GLIS3: variants seen among roughly 807,000 people sequenced by gnomAD.
The protein encoded by GLIS3 is GLIS family zinc finger 3.
A neutral mutation model predicts 78.6 loss-of-function variants in GLIS3; 53 were observed. That is an observed-to-expected ratio of 0.67 (90% confidence interval 0.54 to 0.85). GLIS3 has a LOEUF of 0.85. Among genes scored for constraint, GLIS3 ranks in the 40% least tolerant of loss-of-function variants. The pLI is 0.00. For missense variants in GLIS3, 1,703 were observed against 1,231.1 expected (o/e 1.38, Z -5.74); for synonymous variants, 684 against 509.9 (o/e 1.34, Z -4.60).
chr9:3,836,231 C>T (rs117338626), intron 9 of GLIS3, among the ~76,000 whole-genome samples: 1,864 of 152,304 alleles, frequency 0.012, 16 homozygotes, highest in Non-Finnish European at 0.018. Flanking sequence ...CAGATATCAG[C>T]GGCAGAGGCA....
chr9:4,179,191 A>G (rs1368239070), intron 2 of GLIS3, among the ~76,000 whole-genome samples: 1 of 152,232 alleles, frequency 6.6e-6, no homozygotes, highest in Admixed American at 6.5e-5. Context: ...CTGAATCCAA[A>G]TGTGTGAACC....
the GLIS3 span, among the ~76,000 whole-genome samples, chr9:4,380,882 C>T: frequency 1.1e-3 from 168 of 152,228 alleles, 1 homozygote; most frequent in South Asian, 6.8e-3. Context: ...CTCAAAATGT[C>T]TCTAAGGTGG....
the GLIS3 span, among the ~76,000 whole-genome samples, chr9:4,354,723 C>T: frequency 6.6e-5 from 10 of 152,268 alleles, no homozygotes; most frequent in Non-Finnish European, 7.4e-5. Flanking sequence ...TGTCCCTGAG[C>T]TCCTTGATCA....
chr9:4,163,254 A>G (rs1835639818), intron 2 of GLIS3, among the ~76,000 whole-genome samples: 1 of 151,538 alleles, frequency 6.6e-6, no homozygotes, highest in Non-Finnish European at 1.5e-5. Flanking sequence ...GCACACACAC[A>G]CACACACACA....
At chr9:4,310,260 G>A (rs1817328424) in intron 3 of GLIS3, 1 of 152,128 alleles carries the variant, frequency 6.6e-6, no homozygotes, top group Non-Finnish European at 1.5e-5. Flanking sequence ...TGTGGCCCAG[G>A]AAATATATAT....
At chr9:3,858,492 T>TAAAA (rs1819938983) in intron 8 of GLIS3, among the ~76,000 whole-genome samples, 1 of 152,108 alleles carries the variant, frequency 6.6e-6, no homozygotes, top group South Asian at 2.1e-4. Flanking sequence ...CATGAAGGAA[T>TAAAA]AAAATATCAT....
At chr9:3,981,963 C>G (rs1227814599) in intron 4 of GLIS3, among the ~76,000 whole-genome samples, 1 of 152,106 alleles carries the variant, frequency 6.6e-6, no homozygotes, top group Non-Finnish European at 1.5e-5. Flanking sequence ...GAGAGGGAGT[C>G]ATGTTAACAG....
At chr9:4,368,419 A>G in the GLIS3 span, among the ~76,000 whole-genome samples, 1 of 148,860 alleles carries the variant, frequency 6.7e-6, no homozygotes, top group Non-Finnish European at 1.5e-5. Context: ...ATCTCTGCTC[A>G]CTGCAAGCTC....
In GLIS3 at chr9:4,272,914, G is replaced by C. The variant is rs528229034; in HGVS notation, c.388+13124C>G. On this transcript the variant is annotated intron_variant, in intron 2 of 10. Transcript: ENST00000381971. ...TTAAGTCTTGACAGTGTCCTAGTTT[G>C]TACAACAAATTATATGATCACCCTA... Among the ~76,000 whole-genome samples, 3 of 152,290 alleles carry C rather than the reference G, an allele frequency of 2.0e-5. 1 individual carries two copies. The South Asian group carries it at 6.2e-4, about 32-fold the overall frequency.
At chr9:4,200,001 AAG>A (rs1348059812) in intron 2 of GLIS3, among the ~76,000 whole-genome samples, 1 of 152,180 alleles carries the variant, frequency 6.6e-6, no homozygotes, top group African/African-American at 2.4e-5. Flanking sequence ...CAATACCAAG[AAG>A]ACCTCTCAAA....
In GLIS3 at chr9:4,294,144, C is replaced by G. The variant is rs373239133; in HGVS notation, c.-99+5277G>C. On this transcript the variant is annotated intron_variant, in intron 1 of 10. Coordinates refer to ENST00000381971, the MANE Select transcript of GLIS3 (RefSeq NM_001042413.2). ...CACCCACTTTAGGCCCTCCTTGATCCTTTTTTAGTCTCTATAAATCTGACC... is the reference window on the plus strand; with the variant it reads ...CACCCACTTTAGGCCCTCCTTGATCGTTTTTTAGTCTCTATAAATCTGACC... 1.6e-4 allele frequency among the ~76,000 whole-genome samples: 24 copies of G among 152,282 alleles called. No homozygotes were observed. In the East Asian group the frequency reaches 4.4e-3, roughly 28 times the overall value.
intron 2 of GLIS3, among the ~76,000 whole-genome samples, chr9:4,159,088 G>A (rs1355911348): frequency 6.6e-6 from 1 of 150,506 alleles, no homozygotes; most frequent in Non-Finnish European, 1.5e-5. Context: ...GGGAGAATGT[G>A]GTACCAGATA....
At chr9:4,222,678 A>C (rs1189873062) in intron 2 of GLIS3, among the ~76,000 whole-genome samples, 4 of 152,248 alleles carry the variant, frequency 2.6e-5, no homozygotes, top group Non-Finnish European at 5.9e-5. Flanking sequence ...GTGCTACTGT[A>C]AGAGGAAGAA....
In GLIS3 at chr9:4,118,599, G is replaced by A. The variant is rs1165379273; in HGVS notation, c.879C>T (p.Ser293=). Residue 293 remains serine, a synonymous_variant, in exon 4 of 11, where the codon TCC becomes TCT. Coordinates refer to ENST00000381971, the MANE Select transcript of GLIS3 (RefSeq NM_001042413.2). This position sits in a 1 kb window ranked among gnomAD's most constrained non-coding sequence, Gnocchi z 4.7. ...YPSPRHSSTR[S]HSARSKKRAL... is the part of the protein sequence containing the mutation. ...CTCTCTTCTTGGAGCGGGCCGAGTG[G>A]GACCTGGTGGATGAGTGCCGAGGAC... is the stretch of plus-strand genomic sequence containing the variant. The A allele has an allele frequency of 3.1e-6, 5 of 1,614,236 alleles. No homozygotes were observed. The highest frequency in any genetic ancestry group is 2.2e-5 in the South Asian group (2 of 91,084).
chr9:3,864,591 C>T (rs1820445930), intron 8 of GLIS3, among the ~76,000 whole-genome samples: 1 of 152,164 alleles, frequency 6.6e-6, no homozygotes, highest in Non-Finnish European at 1.5e-5. Context: ...TCAACATAAT[C>T]CATACATTTG....
intron 8 of GLIS3, among the ~76,000 whole-genome samples, chr9:3,857,074 T>G (rs1272885754): frequency 6.6e-6 from 1 of 152,204 alleles, no homozygotes; most frequent in Non-Finnish European, 1.5e-5. Context: ...TTTGGCAATG[T>G]CTATCAAATA....
the GLIS3 span, among the ~76,000 whole-genome samples, chr9:4,470,634 C>G: frequency 6.6e-6 from 1 of 152,054 alleles, no homozygotes; most frequent in African/African-American, 2.4e-5. Flanking sequence ...ATGACAAACC[C>G]ACAGCCAATA....
intron 2 of GLIS3, among the ~76,000 whole-genome samples, chr9:4,191,850 G>C (rs1818361341): frequency 6.6e-6 from 1 of 151,910 alleles, no homozygotes; most frequent in South Asian, 2.1e-4. Context: ...AATCAGAAAG[G>C]AAAATGAAGA....
In GLIS3 at chr9:3,876,795, A is replaced by G. The variant is rs185208640; in HGVS notation, c.2297+2632T>C. 3.1e-4 allele frequency among the ~76,000 whole-genome samples: 46 copies of G among 150,236 alleles called. No individual in the cohort carries two copies. In the East Asian group the frequency reaches 6.9e-3, roughly 22 times the overall value. On this transcript the variant is annotated intron_variant, in intron 8 of 10. Coordinates refer to ENST00000381971, the MANE Select transcript of GLIS3 (RefSeq NM_001042413.2). Reference sequence around the variant, plus strand: ...CATTGTACTATTCTTGCCATTCTTTATATGTTACAAACTTTCAAGAGGAGG... The same window carrying G: ...CATTGTACTATTCTTGCCATTCTTTGTATGTTACAAACTTTCAAGAGGAGG...
Sources: allele counts gnomAD v4.1 joint callset (sites outside exome capture counted in the v4.1 genomes callset), GRCh38; gene constraint gnomAD v4.1.1; non-coding constraint Gnocchi (gnomAD v3.1); transcripts MANE v1.5; gene names NCBI Gene and HGNC (gene_info 2026-07-23, HGNC 2026-07-21).